Variants in MALRD1 observed in about 807,000 individuals in gnomAD.
The protein encoded by MALRD1 is MAM and LDL receptor class A domain containing 1.
A neutral mutation model predicts 242.1 loss-of-function variants in MALRD1; 247 were observed. The ratio of observed to expected loss-of-function variants is 1.02; its 90% CI spans 0.92 to 1.13. The LOEUF is 1.13. Among genes scored for constraint, MALRD1 ranks in the 50% most tolerant of loss-of-function variants. MALRD1 has a pLI of 0.00. For synonymous variants in MALRD1, 995 were observed against 866.6 expected (o/e 1.15, Z -2.60); for missense variants, 2,989 against 2,533.1 (o/e 1.18, Z -3.86).
At chr10:19,145,235 C>T (rs1329687628) in intron 10 of MALRD1, among the ~76,000 whole-genome samples, 1 of 152,142 alleles carries the variant, frequency 6.6e-6, no homozygotes, top group African/African-American at 2.4e-5. Flanking sequence ...GGTGTCAAAG[C>T]TGTGAAAGGT....
chr10:19,389,273 A>T, intron 27 of MALRD1, 179 bp from the exon 28 acceptor site: 2 of 730,572 alleles, frequency 2.7e-6, no homozygotes, highest in Non-Finnish European at 4.8e-6. Context: ...ACAGTTGGAA[A>T]TTGTTCTGTC....
chr10:19,457,369 G>A (rs1201828335), intron 29 of MALRD1, among the ~76,000 whole-genome samples: 1 of 152,020 alleles, frequency 6.6e-6, no homozygotes, highest in Non-Finnish European at 1.5e-5. Context: ...ATTACATAAA[G>A]CGGGTTTATT....
At chr10:19,181,543 AG>A (rs1459347788) in intron 14 of MALRD1, among the ~76,000 whole-genome samples, 3 of 152,216 alleles carry the variant, frequency 2.0e-5, no homozygotes, top group Non-Finnish European at 4.4e-5. Context: ...TACCAGAGGC[AG>A]GGGCCAAGGG....
chr10:19,222,631 CAGG>C (rs2131668740), intron 18 of MALRD1, among the ~76,000 whole-genome samples: 1 of 152,228 alleles, frequency 6.6e-6, no homozygotes, highest in South Asian at 2.1e-4. Flanking sequence ...AACAAAAAAG[CAGG>C]AGTTTATTTC....
At position 19,363,346 on chromosome 10, in the gene MALRD1, T is replaced by G. The variant is rs528577124; in HGVS notation, c.4441+11049T>G. Among the ~76,000 whole-genome samples the G allele has an allele frequency of 8.6e-5, 13 of 152,016 alleles. No individual in the cohort carries two copies. In the South Asian group the frequency reaches 2.1e-3, roughly 24 times the overall value. On this transcript the variant is annotated intron_variant, in intron 26 of 39. Coordinates refer to ENST00000454679, the MANE Select transcript of MALRD1 (RefSeq NM_001142308.3). ...GAAAAGGTAACAAAGAAAACAGACA[T>G]AGAGAGACCAGAGTGAAAGGAAGAC...
chr10:19,394,745 A>G (rs1221830012), intron 28 of MALRD1, among the ~76,000 whole-genome samples: 1 of 152,214 alleles, frequency 6.6e-6, no homozygotes, highest in Non-Finnish European at 1.5e-5. Context: ...CTTTGCTTTG[A>G]GCATCATGTC....
chr10:19,049,473 A>G (rs746302475), intron 1 of MALRD1, among the ~76,000 whole-genome samples: 3 of 152,258 alleles, frequency 2.0e-5, no homozygotes, highest in Non-Finnish European at 4.4e-5. Context: ...GTAAAATGCT[A>G]TGATGGAGAT....
At chr10:19,339,289 C>T (rs1304738199) in intron 24 of MALRD1, among the ~76,000 whole-genome samples, 2 of 152,098 alleles carry the variant, frequency 1.3e-5, no homozygotes, top group African/African-American at 2.4e-5. Flanking sequence ...TGACCTCTCT[C>T]CTTGCCTTCT....
intron 28 of MALRD1, among the ~76,000 whole-genome samples, chr10:19,397,344 C>A (rs1846628623): frequency 6.6e-6 from 1 of 152,086 alleles, no homozygotes; most frequent in African/African-American, 2.4e-5. Flanking sequence ...CATGAGGTGT[C>A]TTTCTGTACC....
intron 28 of MALRD1, among the ~76,000 whole-genome samples, chr10:19,405,738 A>T (rs1006739303): frequency 6.6e-6 from 1 of 152,134 alleles, no homozygotes; most frequent in African/African-American, 2.4e-5. Flanking sequence ...TAGTTCCTAG[A>T]CTCATTCCTT....
intron 21 of MALRD1, among the ~76,000 whole-genome samples, chr10:19,283,628 CAT>C (rs2131890295): frequency 6.6e-6 from 1 of 152,152 alleles, no homozygotes; most frequent in East Asian, 1.9e-4. Context: ...GTGTATTTGT[CAT>C]ACATGTATGA....
At chr10:19,112,150 A>ATTTT (rs5783654) in intron 5 of MALRD1, among the ~76,000 whole-genome samples, 2 of 140,036 alleles carry the variant, frequency 1.4e-5, no homozygotes, top group African/African-American at 2.7e-5. Flanking sequence ...GATTCTCAGG[A>ATTTT]TTTTTTTTTT....
At chr10:19,211,150 C>G (rs1353872222) in intron 18 of MALRD1, among the ~76,000 whole-genome samples, 1 of 151,974 alleles carries the variant, frequency 6.6e-6, no homozygotes, top group Non-Finnish European at 1.5e-5. Flanking sequence ...GATTGGTTTC[C>G]AGGAGAAAAT....
chr10:19,169,764 A>C (rs1371400431), intron 13 of MALRD1, among the ~76,000 whole-genome samples: 1 of 152,232 alleles, frequency 6.6e-6, no homozygotes, highest in Non-Finnish European at 1.5e-5. Context: ...AGCTTTTTAA[A>C]TATTCAAATA....
intron 36 of MALRD1, among the ~76,000 whole-genome samples, chr10:19,680,176 C>G (rs150345658): frequency 0.034 from 5,181 of 152,200 alleles, 181 homozygotes; most frequent in African/African-American, 0.087. Context: ...GAGCTAAGTT[C>G]AAGTCCTGAA....
At chr10:19,325,384 G>T (rs1843082933) in intron 22 of MALRD1, among the ~76,000 whole-genome samples, 1 of 148,140 alleles carries the variant, frequency 6.8e-6, no homozygotes, top group South Asian at 2.1e-4. Flanking sequence ...CCTGTCTCTG[G>T]AATTAACTAT....
At chr10:19,570,869 G>A (rs768078342) in intron 33 of MALRD1, among the ~76,000 whole-genome samples, 8 of 151,806 alleles carry the variant, frequency 5.3e-5, no homozygotes, top group Non-Finnish European at 1.0e-4. Flanking sequence ...TCTTAAAACT[G>A]TGTTGTTTGT....
chr10:19,591,369 G>A (rs185452907), intron 33 of MALRD1, among the ~76,000 whole-genome samples: 1 of 152,180 alleles, frequency 6.6e-6, no homozygotes, highest in Non-Finnish European at 1.5e-5. Context: ...CAACACACTT[G>A]AAATTTGCGA....
chr10:19,150,499 C>G (rs1239347126), intron 11 of MALRD1, among the ~76,000 whole-genome samples: 1 of 152,100 alleles, frequency 6.6e-6, no homozygotes, highest in Non-Finnish European at 1.5e-5. Context: ...ATGTGGGTCT[C>G]CCCAAAGCAC....
Sources: allele counts gnomAD v4.1 joint callset (sites outside exome capture counted in the v4.1 genomes callset), GRCh38; gene constraint gnomAD v4.1.1; transcripts MANE v1.5; gene names NCBI Gene and HGNC (gene_info 2026-07-23, HGNC 2026-07-21).